The following NOXRED1 variants were observed in gnomAD, a reference collection of about 807,000 sequenced individuals.
NOXRED1 encodes the protein NADP-dependent oxidoreductase domain-containing protein 1.
Under a neutral mutation model 30.4 loss-of-function variants are expected in NOXRED1, and 20 were observed. That is an observed-to-expected ratio of 0.66 (90% confidence interval 0.46 to 0.96). The LOEUF is 0.96. Among genes scored for constraint, NOXRED1 ranks in the 40% least tolerant of loss-of-function variants. The pLI, the probability that NOXRED1 is intolerant of heterozygous loss-of-function variation, is 0.00. For missense variants in NOXRED1, 374 were observed against 428.0 expected (o/e 0.87, Z 1.11); for synonymous variants, 155 against 168.0 (o/e 0.92, Z 0.60).
At position 77,417,889 on chromosome 14, in the gene NOXRED1, G is replaced by T. The variant is rs1028296889; in HGVS notation, c.156-3762C>A. Among the ~76,000 whole-genome samples the T allele has an allele frequency of 3.1e-4, 39 of 125,010 alleles. No individual in the cohort carries two copies. The Admixed American group carries it at 3.5e-3, about 11-fold the overall frequency. The allele number at this position is 125,010 out of a possible 152,430, so 82.0% of individuals were successfully genotyped here. On this transcript the variant is annotated intron_variant, in intron 1 of 5. Coordinates refer to ENST00000380835, the MANE Select transcript of NOXRED1 (RefSeq NM_001113475.3). ...TTGCTGCCTTCTTTTGTATTTCACT[G>T]ATTTTTTTTTTTTGTAATGACATTA...
At chr14:77,401,778 C>T (rs1420350407) in intron 5 of NOXRED1, among the ~76,000 whole-genome samples, 1 of 152,136 alleles carries the variant, frequency 6.6e-6, no homozygotes, top group East Asian at 1.9e-4. Context: ...GTAACACTAC[C>T]CAACTTCAAG....
Position 77,422,971 on chromosome 14 carries a change from G to T in NOXRED1, c.-82C>A. On this transcript the variant is annotated 5_prime_UTR_variant, in exon 1 of 6. Transcript: ENST00000380835. ...GGTAGAAGAGGGGTCTATGTAGGAG[G>T]TGTGTGTATGATGGTGTGTGTGCCC... The T allele has an allele frequency of 8.5e-7, 1 of 1,174,812 alleles. No individual in the cohort carries two copies. Among genetic ancestry groups the T allele is most frequent in the Non-Finnish European group, 1.2e-6 (1 of 812,080 alleles). 72.8% of individuals were successfully genotyped at this position (1,174,812 alleles called of 1,614,324 possible).
chr14:77,406,171 C>T (rs1455648848), intron 4 of NOXRED1, 36 bp from the exon 5 acceptor site: 7 of 1,461,332 alleles, frequency 4.8e-6, no homozygotes, highest in Middle Eastern at 3.5e-4. Context: ...CCAGTTAGCA[C>T]CACCAAAAAT....
intron 5 of NOXRED1, among the ~76,000 whole-genome samples, chr14:77,401,296 C>T (rs1399660200): frequency 6.6e-6 from 1 of 152,004 alleles, no homozygotes; most frequent in African/African-American, 2.4e-5. Flanking sequence ...TGCTTGAACC[C>T]AGGAAGCAGA....
intron 2 of NOXRED1, among the ~76,000 whole-genome samples, chr14:77,408,705 C>T: frequency 6.6e-6 from 1 of 152,082 alleles, no homozygotes; most frequent in East Asian, 1.9e-4. Flanking sequence ...TCCAAAGTTA[C>T]AGAGCTGCTG....
intron 2 of NOXRED1, among the ~76,000 whole-genome samples, chr14:77,412,003 G>A (rs1207560300): frequency 1.3e-5 from 2 of 150,742 alleles, no homozygotes; most frequent in East Asian, 1.9e-4. Flanking sequence ...GCTGAGGCGG[G>A]AGAATCGCTT....
upstream of NOXRED1, among the ~76,000 whole-genome samples, chr14:77,425,136 G>A (rs774984191): frequency 2.0e-4 from 30 of 152,170 alleles, no homozygotes; most frequent in Non-Finnish European, 4.0e-4. Flanking sequence ...CCCTTCTCAT[G>A]GTTTCTAGCT....
At chr14:77,402,714 T>C (rs142501590) in intron 5 of NOXRED1, among the ~76,000 whole-genome samples, 12 of 149,962 alleles carry the variant, frequency 8.0e-5, no homozygotes, top group Non-Finnish European at 1.5e-4. Flanking sequence ...AAAGACAATA[T>C]ACAAATGGTC....
chr14:77,422,933 G>C lies in NOXRED1; in HGVS notation c.-44C>G, dbSNP rs1323994853. 1 of 1,562,588 alleles carries C rather than the reference G, an allele frequency of 6.4e-7. No individual in the cohort carries two copies. ...TGCAGTGATAGACACTAATCAATTT[G>C]GCTCCCTGTCCCGGTAGAAGAGGGG... On this transcript the variant is annotated 5_prime_UTR_variant, in exon 1 of 6. Transcript: ENST00000380835.
At position 77,407,706 on chromosome 14, in the gene NOXRED1, A is replaced by G. The variant is rs1594873589; in HGVS notation, c.350-61T>C. On this transcript the variant is annotated intron_variant, in intron 2 of 5. Coordinates refer to ENST00000380835, the MANE Select transcript of NOXRED1 (RefSeq NM_001113475.3). ...ACTAAAGAGTTTGACCTGAACATCA[A>G]CTATGGGGAGAGGGTGATCATTATT... 4 of 1,124,764 alleles carry G rather than the reference A, an allele frequency of 3.6e-6. No individual in the cohort carries two copies. In the Admixed American group the frequency reaches 5.6e-5, roughly 16 times the overall value. The allele number at this position is 1,124,764 out of a possible 1,614,324, so 69.7% of individuals were successfully genotyped here.
At position 77,394,823 on chromosome 14, in the gene NOXRED1, T is replaced by C; in HGVS notation, c.906-18A>G. 1.3e-6 allele frequency: 2 copies of C among 1,593,198 alleles called. No individual in the cohort carries two copies. The highest frequency in any genetic ancestry group is 2.2e-5 in the South Asian group (2 of 89,350). Reference sequence around the variant, plus strand: ...GGAAAGGCCTGAGGTGAAAAAAATATTGTTACTTTTTTATGTCTGTTCAGT... The same window carrying C: ...GGAAAGGCCTGAGGTGAAAAAAATACTGTTACTTTTTTATGTCTGTTCAGT... On this transcript the variant is annotated intron_variant, in intron 5 of 5. Coordinates refer to ENST00000380835, the MANE Select transcript of NOXRED1 (RefSeq NM_001113475.3).
intron 1 of NOXRED1, among the ~76,000 whole-genome samples, chr14:77,417,139 T>C (rs995965620): frequency 1.4e-5 from 2 of 141,744 alleles, no homozygotes; most frequent in African/African-American, 5.4e-5. Flanking sequence ...TCTATTATGG[T>C]CAAAAAAAAA....
At chr14:77,401,672 C>A (rs1009947225) in intron 5 of NOXRED1, among the ~76,000 whole-genome samples, 1 of 152,234 alleles carries the variant, frequency 6.6e-6, no homozygotes, top group South Asian at 2.1e-4. Context: ...TGCCACTGCA[C>A]CCCAGCTGGG....
Position 77,422,993 on chromosome 14 carries a change from G to A in NOXRED1, c.-104C>T. Reference sequence around the variant, plus strand: ...GAGGTGTGTGTATGATGGTGTGTGTGCCCAGGTCACAAGCACTCATGATGA... The same window carrying A: ...GAGGTGTGTGTATGATGGTGTGTGTACCCAGGTCACAAGCACTCATGATGA... On this transcript the variant is annotated 5_prime_UTR_variant, in exon 1 of 6. Transcript: ENST00000380835. 1 of 926,530 alleles carries A rather than the reference G, an allele frequency of 1.1e-6. No homozygotes were observed. Among genetic ancestry groups the A allele is most frequent in the Non-Finnish European group, 1.7e-6 (1 of 600,432 alleles). The allele number at this position is 926,530 out of a possible 1,614,324, so 57.4% of individuals were successfully genotyped here. A position where few individuals can be genotyped will look rare whatever the true frequency, so the allele number is the denominator to read the frequency against.
At chr14:77,399,519 G>A (rs1894270321) in intron 5 of NOXRED1, among the ~76,000 whole-genome samples, 1 of 152,152 alleles carries the variant, frequency 6.6e-6, no homozygotes, top group African/African-American at 2.4e-5. Flanking sequence ...GACTACGGAA[G>A]CAGAAAGATG....
chr14:77,411,244 G>T (rs1894640542), intron 2 of NOXRED1, among the ~76,000 whole-genome samples: 1 of 151,906 alleles, frequency 6.6e-6, no homozygotes, highest in Admixed American at 6.6e-5. Context: ...TGAGGTGGGA[G>T]GATCACTTGA....
At chr14:77,400,964 G>A (rs1894311801) in intron 5 of NOXRED1, among the ~76,000 whole-genome samples, 1 of 152,176 alleles carries the variant, frequency 6.6e-6, no homozygotes, top group Non-Finnish European at 1.5e-5. Flanking sequence ...CATGTTCATG[G>A]AGAAGAAGAC....
intron 5 of NOXRED1, among the ~76,000 whole-genome samples, chr14:77,400,425 A>G (rs1397889839): frequency 6.6e-6 from 1 of 152,240 alleles, no homozygotes; most frequent in Non-Finnish European, 1.5e-5. Flanking sequence ...TGCCCGTGAC[A>G]CAGCCTCAGG....
intron 5 of NOXRED1, among the ~76,000 whole-genome samples, chr14:77,396,079 G>A (rs1372628077): frequency 6.6e-6 from 1 of 151,820 alleles, no homozygotes; most frequent in Non-Finnish European, 1.5e-5. Context: ...GTAAGGCTAA[G>A]GCAAAGATAC....
Sources: allele counts gnomAD v4.1 joint callset (sites outside exome capture counted in the v4.1 genomes callset), GRCh38; gene constraint gnomAD v4.1.1; transcripts MANE v1.5; gene names NCBI Gene and HGNC (gene_info 2026-07-23, HGNC 2026-07-21).